Variants in HMCN2 observed in about 807,000 individuals in gnomAD.
HMCN2 encodes the protein hemicentin 2.
In HMCN2, 325 loss-of-function variants were observed where a neutral mutation model predicts 377.5. The ratio of observed to expected loss-of-function variants is 0.86; its 90% CI spans 0.79 to 0.94. The LOEUF (loss-of-function observed/expected upper bound fraction) is 0.94, where lower values mean the gene tolerates loss of function less well. Among genes scored for constraint, HMCN2 ranks in the 40% least tolerant of loss-of-function variants. The probability of loss-of-function intolerance (pLI) is 0.00; values close to 1 mark genes in which losing one functional copy is unlikely to be tolerated. For missense variants in HMCN2, 4,543 were observed against 4,725.3 expected (o/e 0.96, Z 1.13); for synonymous variants, 2,007 against 2,046.8 (o/e 0.98, Z 0.53).
At chr9:130,311,731 T>G (rs1837249999) in intron 15 of HMCN2, among the ~76,000 whole-genome samples, 2 of 151,842 alleles carry the variant, frequency 1.3e-5, no homozygotes, top group Admixed American at 6.6e-5. Context: ...GCCCTCCCCG[T>G]GACAAGAGAA....
intron 25 of HMCN2, among the ~76,000 whole-genome samples, chr9:130,346,004 C>A (rs1188342315): frequency 6.6e-6 from 1 of 152,082 alleles, no homozygotes; most frequent in East Asian, 1.9e-4. Context: ...TAAGTGTCTA[C>A]CCCTGGGCCC....
At chr9:130,334,425 A>G (rs1166275592) in intron 22 of HMCN2, among the ~76,000 whole-genome samples, 1 of 151,772 alleles carries the variant, frequency 6.6e-6, no homozygotes, top group Admixed American at 6.6e-5. Context: ...TGTAAAATGG[A>G]TTCCCCCATT....
intron 19 of HMCN2, among the ~76,000 whole-genome samples, chr9:130,324,358 A>T (rs893243764): frequency 0.07 from 10,623 of 152,236 alleles, 463 homozygotes; most frequent in Middle Eastern, 0.14. Context: ...TATTCCTTTT[A>T]AAAAAACAGA....
At chr9:130,278,516 A>G (rs1312922794) in intron 1 of HMCN2, among the ~76,000 whole-genome samples, 1 of 152,182 alleles carries the variant, frequency 6.6e-6, no homozygotes, top group Non-Finnish European at 1.5e-5. Context: ...TACAAGGTTG[A>G]AAAGTGTTCT....
chr9:130,405,028 C>A lies in HMCN2; in HGVS notation c.12308C>A (p.Pro4103His). 8 of 1,288,332 alleles carry A rather than the reference C, an allele frequency of 6.2e-6. No homozygotes were observed. Among genetic ancestry groups the A allele is most frequent in the Non-Finnish European group, 8.1e-6 (8 of 988,278 alleles). 79.8% of individuals were successfully genotyped at this position (1,288,332 alleles called of 1,614,324 possible). A position where few individuals can be genotyped will look rare whatever the true frequency, so the allele number is the denominator to read the frequency against. Reference protein sequence around the residue: ...SGAEGKFTIQPSGELLVKNLE... With the variant: ...SGAEGKFTIQHSGELLVKNLE... Reference sequence around the variant, plus strand: ...GCCGAGGGGAAGTTCACCATCCAGCCTTCTGGGGAGTTGCTGGTGAAGAAC... The same window carrying A: ...GCCGAGGGGAAGTTCACCATCCAGCATTCTGGGGAGTTGCTGGTGAAGAAC... Residue 4103 changes from proline (P) to histidine (H), a missense_variant, in exon 81 of 98, where the codon CCT becomes CAT. Around this residue, in one of 5 missense-constraint regions of HMCN2, gnomAD observed 1,073 missense variants for 1,319.5 expected, o/e 0.81. Coordinates refer to ENST00000683500, the MANE Select transcript of HMCN2 (RefSeq NM_001291815.2).
Position 130,308,096 on chromosome 9 carries a change from A to T in HMCN2, c.2200+530A>T. Among the ~76,000 whole-genome samples, 1 of 152,052 alleles carries T rather than the reference A, an allele frequency of 6.6e-6. No individual in the cohort carries two copies. The highest frequency in any genetic ancestry group is 1.5e-5 in the Non-Finnish European group (1 of 68,030). ...CTCAGCCTCTGGAGTAGCTGGAATT[A>T]TAGGCGTGTACCACCAGGCCTGGCT... On this transcript the variant is annotated intron_variant, in intron 14 of 97. Transcript: ENST00000683500. This position sits in a 1 kb window ranked among gnomAD's most constrained non-coding sequence, Gnocchi z 4.1.
chr9:130,429,891 G>A, intron 94 of HMCN2: 1 of 976,826 alleles, frequency 1.0e-6, no homozygotes, highest in Non-Finnish European at 1.4e-6. Flanking sequence ...CTCACTGGGT[G>A]CCTGCCTGTG....
Position 130,385,563 on chromosome 9 carries a change from C to T in HMCN2, c.9110C>T (p.Pro3037Leu). 1.5e-6 allele frequency: 2 copies of T among 1,303,918 alleles called. No individual in the cohort carries two copies. The highest frequency in any genetic ancestry group is 1.2e-5 in the South Asian group (1 of 81,024). The allele number at this position is 1,303,918 out of a possible 1,614,324, so 80.8% of individuals were successfully genotyped here. The change falls in exon 60 of 98, where the codon CCC becomes CTC. Residue 3037 changes from proline (P) to leucine (L), a missense_variant. Physicochemically the swap from Pro to Leu is moderately conservative, Grantham distance 98. Transcript: ENST00000683500. ...QKLVQLSVLV[P>L]PAFRQAPRGP... The stretch of plus-strand genomic sequence containing the variant: ...CTCTGCTATCTCCTGCCCCCAGTTC[C>T]CCCGGCCTTCAGGCAGGCTCCCAGA...
intron 8 of HMCN2, among the ~76,000 whole-genome samples, chr9:130,301,659 T>G (rs1353292598): frequency 6.6e-6 from 1 of 152,196 alleles, no homozygotes; most frequent in Non-Finnish European, 1.5e-5. Flanking sequence ...GGGACAGATG[T>G]GGCAGGGAGC....
chr9:130,300,032 C>T (rs112507530), intron 8 of HMCN2, among the ~76,000 whole-genome samples: 1 of 151,956 alleles, frequency 6.6e-6, no homozygotes, highest in Non-Finnish European at 1.5e-5. Context: ...TGCATCCATC[C>T]ACTCACCCAT....
intron 32 of HMCN2, among the ~76,000 whole-genome samples, chr9:130,355,289 G>T (rs1839967081): frequency 6.6e-6 from 1 of 152,196 alleles, no homozygotes; most frequent in Non-Finnish European, 1.5e-5. Flanking sequence ...CCTGGGCTGG[G>T]TCACCCAGGA....
Position 130,405,964 on chromosome 9 carries a change from G to A in HMCN2, c.12349G>A (p.Ala4117Thr), listed in dbSNP as rs187797680. Residue 4117 changes from alanine to threonine, a missense_variant, in exon 82 of 98, where the codon GCA becomes ACA. By Grantham distance (58) the Ala-to-Thr change is moderately conservative. Transcript: ENST00000683500. ...LLVKNLEGQDAGTYTCTAENA... is the reference protein window; with the variant it reads ...LLVKNLEGQDTGTYTCTAENA... Reference sequence around the variant, plus strand: ...CTTTCTTTGCTCACAGGGCCAGGACGCAGGCACCTATACCTGTACCGCTGA... The same window carrying A: ...CTTTCTTTGCTCACAGGGCCAGGACACAGGCACCTATACCTGTACCGCTGA... 1.7e-4 allele frequency: 215 copies of A among 1,286,184 alleles called. No individual in the cohort carries two copies. In the East Asian group the frequency reaches 2.7e-3, roughly 16 times the overall value. 79.7% of individuals were successfully genotyped at this position (1,286,184 alleles called of 1,614,324 possible).
In HMCN2 at chr9:130,309,537, A is replaced by G. The variant is rs1428939226; in HGVS notation, c.2201-375A>G. On this transcript the variant is annotated intron_variant, in intron 14 of 97. Transcript: ENST00000683500. ...CTCAAAAAAAAAAAAAAAAAAAAAA[A>G]GGAAAAAAAAGAAAAATGATGGCGG... Among the ~76,000 whole-genome samples the G allele has an allele frequency of 3.5e-5, 5 of 141,284 alleles. No individual in the cohort carries two copies. The East Asian group carries it at 8.7e-4, about 24-fold the overall frequency. The allele number at this position is 141,284 out of a possible 152,430, so 92.7% of individuals were successfully genotyped here. A position where few individuals can be genotyped will look rare whatever the true frequency, so the allele number is the denominator to read the frequency against.
At chr9:130,432,293 G>T (rs1844804394) in intron 96 of HMCN2, 136 bp from the exon 97 acceptor site, 4 of 788,898 alleles carry the variant, frequency 5.1e-6, no homozygotes, top group Non-Finnish European at 8.4e-6. Context: ...TCATGGGTCA[G>T]ACTGGCTGGG....
chr9:130,280,309 C>G (rs1272420719), intron 1 of HMCN2, among the ~76,000 whole-genome samples: 1 of 147,516 alleles, frequency 6.8e-6, no homozygotes, highest in African/African-American at 2.5e-5. Flanking sequence ...ACTACAGGTG[C>G]CTGCCACCAT....
Position 130,422,441 on chromosome 9 carries a change from T to A in HMCN2, c.13232-136T>A. ...CGTTGAGTCCATGACCCCTTAGCTG[T>A]GTGTCCTTGGACAAGTGGAGGTGAA... On this transcript the variant is annotated intron_variant, in intron 86 of 97. Coordinates refer to ENST00000683500, the MANE Select transcript of HMCN2 (RefSeq NM_001291815.2). This position sits in a 1 kb window ranked among gnomAD's most constrained non-coding sequence, Gnocchi z 4.2. The A allele has an allele frequency of 1.8e-6, 1 of 568,000 alleles. No homozygotes were observed. Among genetic ancestry groups the A allele is most frequent in the Middle Eastern group, 4.0e-4 (1 of 2,488 alleles). 35.2% of individuals were successfully genotyped at this position (568,000 alleles called of 1,614,324 possible).
Position 130,393,602 on chromosome 9 carries a change from T to C in HMCN2, c.10235-140T>C. On this transcript the variant is annotated intron_variant, in intron 67 of 97. Coordinates refer to ENST00000683500, the MANE Select transcript of HMCN2 (RefSeq NM_001291815.2). The surrounding 1 kb of genome is among the most constrained non-coding windows in gnomAD (Gnocchi z 5.2). Reference sequence around the variant, plus strand: ...TGACACCAGGGGATGGAGAGGATGCTGTGGGAGCACAGAGGAGGGCACCTC... The same window carrying C: ...TGACACCAGGGGATGGAGAGGATGCCGTGGGAGCACAGAGGAGGGCACCTC... 4 of 678,686 alleles carry C rather than the reference T, an allele frequency of 5.9e-6. No homozygotes were observed. Among genetic ancestry groups the C allele is most frequent in the Non-Finnish European group, 8.2e-6 (4 of 489,614 alleles). 42.0% of individuals were successfully genotyped at this position (678,686 alleles called of 1,614,324 possible).
Position 130,377,661 on chromosome 9 carries a change from A to G in HMCN2, c.8074A>G (p.Ser2692Gly), listed in dbSNP as rs2131620614. The change falls in exon 53 of 98, where the codon AGC becomes GGC. Residue 2692 changes from serine (S) to glycine (G), a missense_variant. By Grantham distance (56) the Ser-to-Gly change is moderately conservative. This residue lies in a region of HMCN2 where 736 missense variants were observed against 773.2 expected (regional missense o/e 0.95). Coordinates refer to ENST00000683500, the MANE Select transcript of HMCN2 (RefSeq NM_001291815.2). ...WYKDGQPVTP[S>G]SRLQVLGEGR... ...ATCCTCCTCACAGCCCGTGACCCCC[A>G]GCTCGCGGCTGCAGGTCCTGGGTGA... The G allele has an allele frequency of 1.0e-6, 1 of 985,778 alleles. No homozygotes were observed. Among genetic ancestry groups the G allele is most frequent in the Non-Finnish European group, 1.2e-6 (1 of 829,930 alleles). 61.1% of individuals were successfully genotyped at this position (985,778 alleles called of 1,614,324 possible).
chr9:130,321,308 G>GT (rs878960473), intron 18 of HMCN2, among the ~76,000 whole-genome samples: 29,161 of 152,158 alleles, frequency 0.19, 3,044 homozygotes, highest in Non-Finnish European at 0.24. Flanking sequence ...TGAACGCACA[G>GT]TGGTTGCCTT....
Sources: allele counts gnomAD v4.1 joint callset (sites outside exome capture counted in the v4.1 genomes callset), GRCh38; gene constraint gnomAD v4.1.1; regional missense constraint gnomAD v4.1.1; non-coding constraint Gnocchi (gnomAD v3.1); transcripts MANE v1.5; gene names NCBI Gene and HGNC (gene_info 2026-07-23, HGNC 2026-07-21).